Variants in SLC35F1 observed in about 807,000 individuals in gnomAD.
SLC35F1 encodes solute carrier family 35 member F1.
SLC35F1 carries 14 observed loss-of-function variants against 48.7 expected under a neutral mutation model. The observed-to-expected ratio is 0.29, with a 90% CI of 0.19 to 0.45. The LOEUF is 0.45. Among genes scored for constraint, SLC35F1 ranks in the 20% least tolerant of loss-of-function variants. SLC35F1 has a pLI of 1.00. For missense variants in SLC35F1, 404 were observed against 500.0 expected (o/e 0.81, Z 1.83); for synonymous variants, 190 against 202.2 (o/e 0.94, Z 0.51).
chr6:118,198,144 A>G (rs547405807), intron 2 of SLC35F1, among the ~76,000 whole-genome samples: 108 of 152,320 alleles, frequency 7.1e-4, no homozygotes, highest in African/African-American at 2.6e-3. Flanking sequence ...CAGACAATTA[A>G]ATAAGCTTGG....
intron 1 of SLC35F1, among the ~76,000 whole-genome samples, chr6:118,038,284 T>G (rs566629085): frequency 2.9e-4 from 44 of 152,268 alleles, no homozygotes; most frequent in Non-Finnish European, 4.9e-4. Flanking sequence ...TCTGATTTTT[T>G]TCTTCATTAT....
At chr6:118,101,002 C>T (rs1001032358) in intron 1 of SLC35F1, among the ~76,000 whole-genome samples, 6 of 152,188 alleles carry the variant, frequency 3.9e-5, no homozygotes, top group African/African-American at 1.4e-4. Context: ...GACAAACGTC[C>T]ACTAAATTCT....
At chr6:118,170,878 A>G (rs1175872265) in intron 2 of SLC35F1, among the ~76,000 whole-genome samples, 1 of 152,186 alleles carries the variant, frequency 6.6e-6, no homozygotes, top group Non-Finnish European at 1.5e-5. Context: ...TGTCTCATCT[A>G]CCATAAATCC....
chr6:118,008,371 G>T (rs760380264), intron 1 of SLC35F1, among the ~76,000 whole-genome samples: 3 of 152,178 alleles, frequency 2.0e-5, no homozygotes, highest in Non-Finnish European at 4.4e-5. Context: ...ACAGCAGGGG[G>T]CTTGAATTTG....
intron 1 of SLC35F1, among the ~76,000 whole-genome samples, chr6:118,014,105 A>C (rs1401481183): frequency 6.6e-6 from 1 of 152,240 alleles, no homozygotes; most frequent in African/African-American, 2.4e-5. Context: ...CAGGCAAGTT[A>C]GTTGACCTCT....
chr6:118,023,043 C>G (rs1454729977), intron 1 of SLC35F1, among the ~76,000 whole-genome samples: 1 of 152,164 alleles, frequency 6.6e-6, no homozygotes, highest in African/African-American at 2.4e-5. Context: ...CAGGCGTGAG[C>G]CACCATGCCC....
chr6:117,960,164 A>C (rs1582586404), intron 1 of SLC35F1, among the ~76,000 whole-genome samples: 1 of 152,094 alleles, frequency 6.6e-6, no homozygotes, highest in South Asian at 2.1e-4. Flanking sequence ...GATAGTCTAG[A>C]GGGGTTGACA....
chr6:118,288,210 A>G (rs1190656223), intron 7 of SLC35F1, among the ~76,000 whole-genome samples: 4 of 152,198 alleles, frequency 2.6e-5, no homozygotes, highest in African/African-American at 9.6e-5. Flanking sequence ...GAGAAAGCCC[A>G]GTTAACCCCT....
At chr6:117,980,507 A>G (rs1022133717) in intron 1 of SLC35F1, among the ~76,000 whole-genome samples, 2 of 152,224 alleles carry the variant, frequency 1.3e-5, no homozygotes, top group Admixed American at 1.3e-4. Context: ...GTTACTGGAT[A>G]TAAGATAAAG....
chr6:118,088,400 C>T (rs1450976359), intron 1 of SLC35F1, among the ~76,000 whole-genome samples: 1 of 152,160 alleles, frequency 6.6e-6, no homozygotes, highest in Non-Finnish European at 1.5e-5. Flanking sequence ...TGCAGGGTTG[C>T]CATCTGACCA....
chr6:117,958,987 G>A (rs1200520974), intron 1 of SLC35F1, among the ~76,000 whole-genome samples: 1 of 152,180 alleles, frequency 6.6e-6, no homozygotes, highest in Non-Finnish European at 1.5e-5. Context: ...GTTTTGGAGA[G>A]ATAGTTTAGT....
At chr6:118,311,114 C>G (rs1220225900) in intron 7 of SLC35F1, among the ~76,000 whole-genome samples, 1 of 152,182 alleles carries the variant, frequency 6.6e-6, no homozygotes, top group Admixed American at 6.5e-5. Flanking sequence ...GTCTTCTATC[C>G]AGACTCTAGC....
At chr6:118,000,552 C>CAT (rs1562260596) in intron 1 of SLC35F1, among the ~76,000 whole-genome samples, 1 of 152,094 alleles carries the variant, frequency 6.6e-6, no homozygotes, top group South Asian at 2.1e-4. Context: ...ACAGGGATTC[C>CAT]CTCTCTCACC....
chr6:118,218,831 A>G (rs563076162), intron 2 of SLC35F1, among the ~76,000 whole-genome samples: 3 of 152,316 alleles, frequency 2.0e-5, no homozygotes, highest in African/African-American at 7.2e-5. Context: ...TTATTATTTT[A>G]CAAGCCACCT....
intron 1 of SLC35F1, among the ~76,000 whole-genome samples, chr6:117,979,735 G>A (rs1776751187): frequency 6.6e-6 from 1 of 152,126 alleles, no homozygotes; most frequent in Admixed American, 6.5e-5. Context: ...GTCTGTTGTA[G>A]GAGAAAAGAG....
intron 1 of SLC35F1, among the ~76,000 whole-genome samples, chr6:117,930,624 A>T (rs1018609939): frequency 1.3e-5 from 2 of 152,116 alleles, no homozygotes; most frequent in Non-Finnish European, 2.9e-5. Flanking sequence ...GTGTGACCTA[A>T]TGCTCGTATC....
At chr6:117,974,104 A>C (rs1429254198) in intron 1 of SLC35F1, among the ~76,000 whole-genome samples, 4 of 152,196 alleles carry the variant, frequency 2.6e-5, no homozygotes, top group Non-Finnish European at 5.9e-5. Context: ...CAAATTGTTT[A>C]ATCTCTCTAT....
chr6:117,924,395 A>C (rs1208274487), intron 1 of SLC35F1, among the ~76,000 whole-genome samples: 1 of 125,712 alleles, frequency 8.0e-6, no homozygotes, highest in African/African-American at 3.2e-5. Flanking sequence ...ATATACACAC[A>C]TAGGTACACA....
intron 7 of SLC35F1, among the ~76,000 whole-genome samples, chr6:118,293,582 G>A (rs1230022723): frequency 6.6e-6 from 1 of 152,116 alleles, no homozygotes; most frequent in Non-Finnish European, 1.5e-5. Flanking sequence ...GAATATCTTT[G>A]GGGGATTATC....
Sources: allele counts gnomAD v4.1 joint callset (sites outside exome capture counted in the v4.1 genomes callset), GRCh38; gene constraint gnomAD v4.1.1; transcripts MANE v1.5; gene names NCBI Gene and HGNC (gene_info 2026-07-23, HGNC 2026-07-21).